The following CEP97 variants were observed in gnomAD, a reference collection of about 807,000 sequenced individuals.
CEP97 encodes the protein centrosomal protein of 97 kDa.
A neutral mutation model predicts 73.1 loss-of-function variants in CEP97; 43 were observed. The observed-to-expected ratio is 0.59, with a 90% CI of 0.46 to 0.76. The LOEUF is 0.76. Among genes scored for constraint, CEP97 ranks in the 30% least tolerant of loss-of-function variants. CEP97 has a pLI of 0.00. For synonymous variants in CEP97, 337 were observed against 370.0 expected (o/e 0.91, Z 1.02); for missense variants, 939 against 1,014.0 (o/e 0.93, Z 1.00).
chr3:101,727,563 T>C, intron 3 of CEP97, 22 bp downstream of exon 3: 1 of 1,579,876 alleles, frequency 6.3e-7, no homozygotes, highest in Non-Finnish European at 8.6e-7. Flanking sequence ...CTTTTTTGTT[T>C]ACAAAACTAT....
At chr3:101,732,767 G>A (rs969935811) in intron 6 of CEP97, 113 bp downstream of exon 6, 10 of 855,150 alleles carry the variant, frequency 1.2e-5, no homozygotes, top group African/African-American at 1.7e-5. Context: ...GAGTATTAGT[G>A]CAGTCATGTA....
In CEP97 at chr3:101,765,027, G is replaced by A; in HGVS notation, c.2074G>A (p.Glu692Lys). ...WFIASDVAPQ[E>K]KSLPEFPDSG... ...TATTGCTTCTGATGTAGCTCCTCAA[G>A]AGAAATCATTACCAGAATTTCCAGA... The change falls in exon 11 of 11, where the codon GAG (glutamate) becomes AAG (lysine). Residue 692 changes from glutamate (E) to lysine (K), a missense_variant. Physicochemically the swap from Glu to Lys is moderately conservative, Grantham distance 56. Transcript: ENST00000341893. 4 of 1,614,104 alleles carry A rather than the reference G, an allele frequency of 2.5e-6. No homozygotes were observed. Among genetic ancestry groups the A allele is most frequent in the East Asian group, 2.2e-5 (1 of 44,874 alleles).
intron 6 of CEP97, among the ~76,000 whole-genome samples, chr3:101,742,628 T>C (rs1348134268): frequency 1.3e-5 from 2 of 151,908 alleles, no homozygotes; most frequent in East Asian, 3.9e-4. Context: ...GAGAAATACC[T>C]AATGTAGGTG....
intron 2 of CEP97, 109 bp downstream of exon 2, chr3:101,726,845 G>T: frequency 1.4e-6 from 1 of 728,944 alleles, no homozygotes; most frequent in Non-Finnish European, 2.1e-6. Flanking sequence ...AGCAGTCATT[G>T]TTGCCTTAAA....
intron 6 of CEP97, among the ~76,000 whole-genome samples, chr3:101,743,340 G>A (rs1032318133): frequency 6.6e-6 from 1 of 151,682 alleles, no homozygotes; most frequent in Non-Finnish European, 1.5e-5. Context: ...TAATAATTTA[G>A]AAATTTTTTT....
At chr3:101,756,443 A>G (rs1472428683) in intron 7 of CEP97, among the ~76,000 whole-genome samples, 2 of 151,036 alleles carry the variant, frequency 1.3e-5, no homozygotes, top group Non-Finnish European at 2.9e-5. Context: ...AGCTCCTTGC[A>G]TCTTCAGTCT....
chr3:101,760,490 G>A (rs1305369249), intron 9 of CEP97, among the ~76,000 whole-genome samples: 1 of 152,146 alleles, frequency 6.6e-6, no homozygotes, highest in East Asian at 1.9e-4. Flanking sequence ...GAGAGCAGGG[G>A]AAGGGCAAGA....
In CEP97 at chr3:101,758,284, G is replaced by A; in HGVS notation, c.1678G>A (p.Asp560Asn). 6.2e-7 allele frequency: 1 copy of A among 1,614,190 alleles called. No individual in the cohort carries two copies. The highest frequency in any genetic ancestry group is 1.6e-4 in the Middle Eastern group (1 of 6,062). ...QDKVALQKLN[D>N]AATKLQACWR... ...CAAAGTTGCCCTTCAGAAATTAAAT[G>A]ATGCAGCCACCAAGCTTCAGGCCTG... Residue 560 changes from aspartate to asparagine, a missense_variant, in exon 9 of 11, where the codon GAT becomes AAT. By Grantham distance (23) the Asp-to-Asn change is conservative (BLOSUM62 1). Coordinates refer to ENST00000341893, the MANE Select transcript of CEP97 (RefSeq NM_024548.4).
intron 4 of CEP97, 46 bp from the exon 5 acceptor site, chr3:101,731,794 A>G (rs1227901164): frequency 1.8e-6 from 2 of 1,117,692 alleles, no homozygotes; most frequent in African/African-American, 3.1e-5. Flanking sequence ...AGGCCAATTT[A>G]TTTGTAATCT....
chr3:101,758,110 A>G lies in CEP97; in HGVS notation c.1504A>G (p.Thr502Ala). 6.2e-7 allele frequency: 1 copy of G among 1,614,238 alleles called. No individual in the cohort carries two copies. Among genetic ancestry groups the G allele is most frequent in the Non-Finnish European group, 8.5e-7 (1 of 1,180,040 alleles). The change falls in exon 9 of 11, where the codon ACA (threonine) becomes GCA (alanine). Residue 502 changes from threonine to alanine, a missense_variant. Coordinates refer to ENST00000341893, the MANE Select transcript of CEP97 (RefSeq NM_024548.4). ...AILKDDNHSL[T>A]FFPESTEQKQ... ...CTTGAAGGATGATAACCACAGTCTT[A>G]CATTTTTTCCTGAGTCAACTGAGCA...
intron 6 of CEP97, among the ~76,000 whole-genome samples, chr3:101,736,307 G>A (rs1033753172): frequency 1.3e-5 from 2 of 152,232 alleles, no homozygotes; most frequent in African/African-American, 2.4e-5. Context: ...TCCCGGCTCT[G>A]TAAGAGAGCG....
chr3:101,727,496 A>G lies in CEP97; in HGVS notation c.300A>G (p.Glu100=). 6.2e-7 allele frequency: 1 copy of G among 1,613,082 alleles called. No individual in the cohort carries two copies. The highest frequency in any genetic ancestry group is 8.5e-7 in the Non-Finnish European group (1 of 1,179,486). The change falls in exon 3 of 11, where the codon GAA becomes GAG. Residue 100 remains glutamate, a synonymous_variant. Transcript: ENST00000341893. ...TTGGCTGTGTGGAAGGGCTAAAGGA[A>G]CTAGTACATCTGGAATGGCTGAATT... is the stretch of plus-strand genomic sequence containing the variant. ...NSIGCVEGLK[E]LVHLEWLNLA...
chr3:101,757,162 C>T lies in CEP97; in HGVS notation c.993C>T (p.Ser331=). The T allele has an allele frequency of 6.2e-7, 1 of 1,611,840 alleles. No individual in the cohort carries two copies. Among genetic ancestry groups the T allele is most frequent in the East Asian group, 2.2e-5 (1 of 44,726 alleles). Residue 331 remains serine, a synonymous_variant, in exon 8 of 11, where the codon AGC becomes AGT. Transcript: ENST00000341893. ...TRASLIPEHS[S]PVQDCQISQE... ...CATCCCTTATTCCTGAGCATTCAAG[C>T]CCTGTTCAAGATTGCCAGATATCCC...
chr3:101,769,317 T>C lies in CEP97; in HGVS notation c.*3766T>C, dbSNP rs1231665607. The stretch of plus-strand genomic sequence containing the variant: ...ATCATAAAGGAAAGAAGAGACTTCA[T>C]TGTGTGTGTGTTTTTTTTTTTTTTT... On this transcript the variant is annotated 3_prime_UTR_variant, in exon 11 of 11. Coordinates refer to ENST00000341893, the MANE Select transcript of CEP97 (RefSeq NM_024548.4). The C allele has an allele frequency of 6.6e-6, 1 of 151,966 alleles. No individual in the cohort carries two copies. Among genetic ancestry groups the C allele is most frequent in the East Asian group, 1.9e-4 (1 of 5,178 alleles). The allele number at this position is 151,966 out of a possible 1,614,324, so 9.4% of individuals were successfully genotyped here.
At chr3:101,733,561 C>T (rs2722163) in intron 6 of CEP97, among the ~76,000 whole-genome samples, 31,743 of 150,906 alleles carry the variant, frequency 0.21, 3,853 homozygotes, top group East Asian at 0.48. Flanking sequence ...GACGGAGTCT[C>T]GCTCTGTCGC....
chr3:101,751,150 C>A (rs1938800489), intron 6 of CEP97, among the ~76,000 whole-genome samples: 1 of 152,170 alleles, frequency 6.6e-6, no homozygotes, highest in South Asian at 2.1e-4. Context: ...ATCTTTATTT[C>A]TGCCTTCATT....
chr3:101,762,874 C>T lies in CEP97; in HGVS notation c.1893+314C>T, dbSNP rs554652204. On this transcript the variant is annotated intron_variant, in intron 10 of 10. Transcript: ENST00000341893. ...CCAATTTGAAATTTCATGTAGCTAT[C>T]GATCTGTCTTTTGGGAATATTTGAA... 2.6e-5 allele frequency among the ~76,000 whole-genome samples: 4 copies of T among 152,224 alleles called. No homozygotes were observed. In the South Asian group the frequency reaches 6.2e-4, roughly 24 times the overall value.
intron 6 of CEP97, among the ~76,000 whole-genome samples, chr3:101,748,931 C>T (rs923285976): frequency 1.3e-5 from 2 of 152,112 alleles, no homozygotes; most frequent in South Asian, 2.1e-4. Flanking sequence ...TGAGCCACTG[C>T]GCCCGGCCCA....
intron 6 of CEP97, among the ~76,000 whole-genome samples, chr3:101,746,147 G>C (rs1319029587): frequency 6.6e-6 from 1 of 152,112 alleles, no homozygotes; most frequent in Non-Finnish European, 1.5e-5. Context: ...TCTTAATCCA[G>C]TCTATCATTG....
Sources: gnomAD v4.1 joint callset for allele counts (sites outside exome capture counted in the v4.1 genomes callset) on GRCh38, gnomAD v4.1.1 for gene constraint, MANE v1.5 for transcripts, NCBI Gene and HGNC (gene_info 2026-07-23, HGNC 2026-07-21) for gene names.